LANCL1: variants seen among roughly 807,000 people sequenced by gnomAD.
The protein encoded by LANCL1 is LanC like glutathione S-transferase 1.
A neutral mutation model predicts 50.6 loss-of-function variants in LANCL1; 50 were observed. The ratio of observed to expected loss-of-function variants is 0.99; its 90% CI spans 0.79 to 1.25. The LOEUF is 1.25. LANCL1 is among the 50% of genes most tolerant of loss of function. The pLI is 0.00. For missense variants in LANCL1, 532 were observed against 480.7 expected (o/e 1.11, Z -1.00); for synonymous variants, 188 against 178.6 (o/e 1.05, Z -0.42).
At chr2:210,443,981 A>T (rs1251503103) in intron 4 of LANCL1, among the ~76,000 whole-genome samples, 1 of 152,200 alleles carries the variant, frequency 6.6e-6, no homozygotes, top group Non-Finnish European at 1.5e-5. Flanking sequence ...CTTGAGGGCA[A>T]TGTGACTTTC....
chr2:210,445,273 T>A (rs1199046246), intron 4 of LANCL1, among the ~76,000 whole-genome samples: 1 of 152,178 alleles, frequency 6.6e-6, no homozygotes, highest in Non-Finnish European at 1.5e-5. Flanking sequence ...CGGCATTAAC[T>A]CCATTCCTTT....
intron 8 of LANCL1, 119 bp from the exon 9 acceptor site, chr2:210,435,578 AAGG>A: frequency 1.3e-6 from 1 of 751,440 alleles, no homozygotes; most frequent in Non-Finnish European, 2.4e-6. Flanking sequence ...ACATCAGAGA[AAGG>A]AGATTAATGC....
At chr2:210,459,884 A>G (rs1169737811) in intron 3 of LANCL1, among the ~76,000 whole-genome samples, 1 of 150,450 alleles carries the variant, frequency 6.6e-6, no homozygotes, top group Non-Finnish European at 1.5e-5. Flanking sequence ...TACCCTGGGG[A>G]TGGGAGGGTA....
At chr2:210,471,565 GGA>G (rs1178850987) in intron 3 of LANCL1, 1 of 461,872 alleles carries the variant, frequency 2.2e-6, no homozygotes, top group East Asian at 6.8e-5. Flanking sequence ...ACATGCTTCT[GGA>G]CATATTTTAT....
Position 210,446,445 on chromosome 2 carries a change from T to G in LANCL1, c.408-5002A>C, listed in dbSNP as rs1035800272. ...AAATTCCAAAAACCAGAATGCTGCT[T>G]CTTCTCCAAAGGATCACAACTCCTT... On this transcript the variant is annotated intron_variant, in intron 4 of 9. Transcript: ENST00000450366. 5.3e-5 allele frequency among the ~76,000 whole-genome samples: 8 copies of G among 152,094 alleles called. No individual in the cohort carries two copies. In the East Asian group the frequency reaches 7.7e-4, roughly 15 times the overall value.
In LANCL1 at chr2:210,434,541, G is replaced by GA. The variant is rs1692852431; in HGVS notation, c.1145dup (p.Leu383ProfsTer3). 6 of 1,613,308 alleles carry GA rather than the reference G, an allele frequency of 3.7e-6. No homozygotes were observed. In the Admixed American group the frequency reaches 1.0e-4, roughly 27 times the overall value. On this transcript the variant is annotated frameshift_variant, in exon 10 of 10. Coordinates refer to ENST00000450366, the MANE Select transcript of LANCL1 (RefSeq NM_006055.3). LOFTEE classifies it high-confidence loss of function. ...TTGTGGGGACTAGCAGGTCAGCCAG[G>GA]AAATATATTGTTCCAGCCATTCCTG... is the stretch of plus-strand genomic sequence containing the variant.
In LANCL1 at chr2:210,432,219, CT is replaced by C. The variant is rs1692768317; in HGVS notation, c.*2267del. 1 of 152,140 alleles carries C rather than the reference CT, an allele frequency of 6.6e-6. No homozygotes were observed. The highest frequency in any genetic ancestry group is 6.6e-5 in the Admixed American group (1 of 15,266). The allele number at this position is 152,140 out of a possible 1,614,324, so 9.4% of individuals were successfully genotyped here. A position where few individuals can be genotyped will look rare whatever the true frequency, so the allele number is the denominator to read the frequency against. ...GCCTGAATTTAAAATCCCATCAAAA[CT>C]TTTTTGCTCTTAAGCATAAATACAA... On this transcript the variant is annotated 3_prime_UTR_variant, in exon 10 of 10. Transcript: ENST00000450366.
At position 210,437,708 on chromosome 2, in the gene LANCL1, C is replaced by G. The variant is rs746147724; in HGVS notation, c.855G>C (p.Met285Ile). ...ACAGTACCTTATAGGCCTGGATGAG[C>G]ATGTAGATTACCCCAGGGGCGCCAT... ...WCHGAPGVIY[M>I]LIQAYKVFRE... is the part of the protein sequence containing the mutation. Residue 285 changes from methionine (M) to isoleucine (I), a missense_variant, in exon 7 of 10, where the codon ATG becomes ATC. Met to Ile is a conservative substitution (Grantham distance 10). Coordinates refer to ENST00000450366, the MANE Select transcript of LANCL1 (RefSeq NM_006055.3). 8 of 1,603,598 alleles carry G rather than the reference C, an allele frequency of 5.0e-6. No individual in the cohort carries two copies. The highest frequency in any genetic ancestry group is 3.3e-4 in the Middle Eastern group (2 of 6,012).
chr2:210,436,235 T>A lies in LANCL1; in HGVS notation c.1031A>T (p.Tyr344Phe). The change falls in exon 8 of 10, where the codon TAC becomes TTC. Residue 344 changes from tyrosine (Y) to phenylalanine (F), a missense_variant. Physicochemically the swap from Tyr to Phe is conservative, Grantham distance 22 (BLOSUM62 3). Transcript: ENST00000450366. Reference protein sequence around the residue: ...TLYNLTQDMKYLYRACKFAEW... With the variant: ...TLYNLTQDMKFLYRACKFAEW... ...TCCTACCTTACAGGCCCTATACAGG[T>A]ACTTCATGTCCTGTGTGAGGTTGTA... 1 of 1,613,838 alleles carries A rather than the reference T, an allele frequency of 6.2e-7. No individual in the cohort carries two copies. Among genetic ancestry groups the A allele is most frequent in the Non-Finnish European group, 8.5e-7 (1 of 1,179,860 alleles).
chr2:210,438,242 G>A (rs1574413390), intron 6 of LANCL1, among the ~76,000 whole-genome samples: 1 of 146,916 alleles, frequency 6.8e-6, no homozygotes, highest in African/African-American at 2.5e-5. Context: ...TCAAGTGATT[G>A]TCCTGTCTCA....
chr2:210,434,925 CT>C (rs1270499353), intron 9 of LANCL1, among the ~76,000 whole-genome samples: 6 of 152,038 alleles, frequency 3.9e-5, no homozygotes, highest in African/African-American at 1.4e-4. Flanking sequence ...AAGTGTGAAT[CT>C]ATCTACGTTT....
chr2:210,461,532 C>G (rs778849961), intron 3 of LANCL1, among the ~76,000 whole-genome samples: 4 of 152,158 alleles, frequency 2.6e-5, no homozygotes, highest in Admixed American at 1.3e-4. Flanking sequence ...TTTGGTAGAT[C>G]AGAGGAACAG....
intron 3 of LANCL1, among the ~76,000 whole-genome samples, chr2:210,456,993 T>C (rs1335673535): frequency 6.6e-6 from 1 of 152,222 alleles, no homozygotes. Flanking sequence ...ACATTTGGAT[T>C]AAAACTTTCT....
chr2:210,442,174 G>A (rs1693160580), intron 4 of LANCL1, among the ~76,000 whole-genome samples: 1 of 152,044 alleles, frequency 6.6e-6, no homozygotes, highest in Non-Finnish European at 1.5e-5. Flanking sequence ...AAAGTGCTGG[G>A]ATTATAGGTG....
At chr2:210,472,735 T>C (rs981324406) in intron 2 of LANCL1, among the ~76,000 whole-genome samples, 12 of 152,202 alleles carry the variant, frequency 7.9e-5, no homozygotes, top group Non-Finnish European at 1.6e-4. Context: ...ATAACTTCTT[T>C]ATGTTTCAAA....
Position 210,476,367 on chromosome 2 carries a change from A to C in LANCL1, c.30T>G (p.Tyr10Ter), listed in dbSNP as rs773101362. 1 of 1,614,122 alleles carries C rather than the reference A, an allele frequency of 6.2e-7. No homozygotes were observed. The highest frequency in any genetic ancestry group is 2.2e-5 in the East Asian group (1 of 44,880). The change falls in exon 2 of 10, where the codon TAT (tyrosine) becomes TAG (stop). Residue 10 changes from tyrosine (Y) to a stop codon, truncating the protein, a stop_gained. Coordinates refer to ENST00000450366, the MANE Select transcript of LANCL1 (RefSeq NM_006055.3). LOFTEE classifies it high-confidence loss of function. MAQRAFPNP[Y>*]ADYNKSLAEG... Reference sequence around the variant, plus strand: ...CGGCCAGGGATTTGTTATAATCAGCATAAGGATTCGGGAAGGCCCTTTGAG... The same window carrying C: ...CGGCCAGGGATTTGTTATAATCAGCCTAAGGATTCGGGAAGGCCCTTTGAG...
intron 4 of LANCL1, 59 bp from the exon 5 acceptor site, chr2:210,441,502 T>TTA (rs1693133930): frequency 1.8e-5 from 26 of 1,437,840 alleles, no homozygotes; most frequent in Non-Finnish European, 2.5e-5. Flanking sequence ...TGGTGTATAC[T>TTA]TAAAAATGGT....
chr2:210,465,181 T>C (rs574240649), intron 3 of LANCL1, among the ~76,000 whole-genome samples: 169 of 152,354 alleles, frequency 1.1e-3, no homozygotes, highest in Non-Finnish European at 2.2e-3. Flanking sequence ...ATGTGAATTA[T>C]CTCTGCTTGA....
At chr2:210,465,142 A>G (rs1694008756) in intron 3 of LANCL1, among the ~76,000 whole-genome samples, 2 of 152,248 alleles carry the variant, frequency 1.3e-5, no homozygotes, top group African/African-American at 4.8e-5. Context: ...ATGTGAAATC[A>G]AGTGTTGCTC....
Sources: allele counts gnomAD v4.1 joint callset (sites outside exome capture counted in the v4.1 genomes callset), GRCh38; gene constraint gnomAD v4.1.1; transcripts MANE v1.5; gene names NCBI Gene and HGNC (gene_info 2026-07-23, HGNC 2026-07-21).